Variants in OSMR observed in about 807,000 individuals in gnomAD.
OSMR encodes oncostatin-M-specific receptor subunit beta.
OSMR carries 81 observed loss-of-function variants against 99.9 expected under a neutral mutation model. The ratio of observed to expected loss-of-function variants is 0.81; its 90% CI spans 0.68 to 0.97. The LOEUF (loss-of-function observed/expected upper bound fraction) is 0.97, where lower values mean the gene tolerates loss of function less well. Ranked by LOEUF, OSMR falls within the 50% of genes least tolerant of loss-of-function variation. The pLI is 0.00. For synonymous variants in OSMR, 406 were observed against 410.4 expected (o/e 0.99, Z 0.13); for missense variants, 1,099 against 1,153.4 (o/e 0.95, Z 0.68).
chr5:38,922,647 A>G (rs1746288113), intron 12 of OSMR, among the ~76,000 whole-genome samples: 1 of 152,186 alleles, frequency 6.6e-6, no homozygotes, highest in Non-Finnish European at 1.5e-5. Context: ...TGGAGACAAG[A>G]CAGTGGGGCC....
In OSMR at chr5:38,862,938, G is replaced by C. The variant is rs540841259; in HGVS notation, c.-13-6094G>C. 3.3e-5 allele frequency among the ~76,000 whole-genome samples: 5 copies of C among 152,154 alleles called. No individual in the cohort carries two copies. In the South Asian group the frequency reaches 1.0e-3, roughly 32 times the overall value. On this transcript the variant is annotated intron_variant, in intron 1 of 17. Transcript: ENST00000274276. ...GCACCTCGGGAGGCCGAGGCTGGCG[G>C]ATCAGTCGCGGTTAGGAGCTGGAGA... is the stretch of plus-strand genomic sequence containing the variant.
chr5:38,900,799 G>C lies in OSMR; in HGVS notation c.992-3083G>C, dbSNP rs76584692. 0.022 allele frequency among the ~76,000 whole-genome samples: 3,323 copies of C among 152,312 alleles called. 328 individuals carry two copies. The East Asian group carries it at 0.35, about 16-fold the overall frequency. On this transcript the variant is annotated intron_variant, in intron 7 of 17. Transcript: ENST00000274276. ...TAAGGTTGTGTTGACCTTTGTGCAT[G>C]GTTGTGGCTTTTACAGGTTGTTTCA...
At chr5:38,883,795 G>T in intron 4 of OSMR, 32 bp from the exon 5 acceptor site, 1 of 1,611,798 alleles carries the variant, frequency 6.2e-7, no homozygotes, top group Non-Finnish European at 8.5e-7. Flanking sequence ...TTTTGAGTGC[G>T]ATTCTAACTT....
At chr5:38,874,313 G>A (rs961874393) in intron 2 of OSMR, among the ~76,000 whole-genome samples, 9 of 152,206 alleles carry the variant, frequency 5.9e-5, no homozygotes, top group African/African-American at 1.9e-4. Context: ...TGGAATTCAC[G>A]CTGAGATTAT....
chr5:38,850,532 T>G (rs912798297), intron 1 of OSMR, among the ~76,000 whole-genome samples: 1 of 152,212 alleles, frequency 6.6e-6, no homozygotes, highest in Non-Finnish European at 1.5e-5. Context: ...AACTGTTGAC[T>G]TAAGATGAAG....
At chr5:38,912,822 G>A (rs1364257029) in intron 9 of OSMR, among the ~76,000 whole-genome samples, 1 of 152,130 alleles carries the variant, frequency 6.6e-6, no homozygotes, top group Non-Finnish European at 1.5e-5. Flanking sequence ...ATAAGCAATG[G>A]GGAAAGGACT....
chr5:38,885,628 T>C (rs998124677), intron 6 of OSMR, 144 bp downstream of exon 6: 80 of 1,142,476 alleles, frequency 7.0e-5, no homozygotes, highest in Middle Eastern at 4.0e-4. Context: ...AGGAAACCTT[T>C]AAGTGGTGAC....
At chr5:38,938,669 A>G (rs1272119485), downstream of OSMR, 2 of 232,602 alleles carry the variant, frequency 8.6e-6, no homozygotes, top group African/African-American at 4.4e-5. Flanking sequence ...TGGAACTAAA[A>G]GAAGAAAAGA....
intron 1 of OSMR, among the ~76,000 whole-genome samples, chr5:38,865,788 C>T (rs1394412393): frequency 1.3e-5 from 2 of 151,954 alleles, no homozygotes; most frequent in Non-Finnish European, 2.9e-5. Flanking sequence ...GGCAGGCAGA[C>T]AGATCTTCTG....
intron 1 of OSMR, among the ~76,000 whole-genome samples, chr5:38,850,726 T>A (rs1260856497): frequency 7.2e-5 from 11 of 152,210 alleles, no homozygotes; most frequent in African/African-American, 2.4e-5. Context: ...TAATGCCAGC[T>A]TTTGAGAAGA....
At chr5:38,885,983 C>A in intron 6 of OSMR, 56 bp from the exon 7 acceptor site, 1 of 1,602,280 alleles carries the variant, frequency 6.2e-7, no homozygotes, top group Non-Finnish European at 8.5e-7. Context: ...GATACATTTG[C>A]TTTGACAAAA....
At chr5:38,898,096 T>C (rs1401478966) in intron 7 of OSMR, among the ~76,000 whole-genome samples, 1 of 152,198 alleles carries the variant, frequency 6.6e-6, no homozygotes, top group Non-Finnish European at 1.5e-5. Flanking sequence ...AAAATATTTC[T>C]GTAAATATCT....
At chr5:38,852,122 T>A (rs1222131208) in intron 1 of OSMR, among the ~76,000 whole-genome samples, 2 of 152,242 alleles carry the variant, frequency 1.3e-5, no homozygotes, top group Non-Finnish European at 2.9e-5. Flanking sequence ...AGTGCATGGA[T>A]CTAGTTCATT....
At chr5:38,847,585 C>T (rs1739966667) in intron 1 of OSMR, among the ~76,000 whole-genome samples, 1 of 152,180 alleles carries the variant, frequency 6.6e-6, no homozygotes, top group African/African-American at 2.4e-5. Context: ...TGTCCCCAAA[C>T]TCCGCTGTGT....
intron 2 of OSMR, chr5:38,944,400 A>C (rs1747944794): frequency 6.4e-7 from 1 of 1,567,010 alleles, no homozygotes; most frequent in Non-Finnish European, 8.6e-7. Flanking sequence ...TTCTCGACTT[A>C]AAAAACAGAA....
chr5:38,867,774 G>C (rs1742058451), intron 1 of OSMR, among the ~76,000 whole-genome samples: 1 of 152,144 alleles, frequency 6.6e-6, no homozygotes, highest in Non-Finnish European at 1.5e-5. Flanking sequence ...TTTAATGAGG[G>C]AGATAGGGAA....
At chr5:38,915,555 C>T (rs1745844494) in intron 9 of OSMR, among the ~76,000 whole-genome samples, 1 of 152,182 alleles carries the variant, frequency 6.6e-6, no homozygotes, top group Admixed American at 6.5e-5. Context: ...AAACTAACAA[C>T]TCTATATCAC....
intron 7 of OSMR, among the ~76,000 whole-genome samples, chr5:38,901,174 GC>G (rs1215768773): frequency 1.3e-5 from 2 of 152,204 alleles, no homozygotes; most frequent in Non-Finnish European, 2.9e-5. Context: ...TCAAAAGTTG[GC>G]TATCTATTGG....
intron 1 of OSMR, among the ~76,000 whole-genome samples, chr5:38,859,746 G>A: frequency 6.7e-6 from 1 of 149,878 alleles, no homozygotes; most frequent in East Asian, 1.9e-4. Context: ...ATTTGTTTGT[G>A]TTTTCTCCAG....
Sources: allele counts gnomAD v4.1 joint callset (sites outside exome capture counted in the v4.1 genomes callset), GRCh38; gene constraint gnomAD v4.1.1; transcripts MANE v1.5; gene names NCBI Gene and HGNC (gene_info 2026-07-23, HGNC 2026-07-21).